The following SORCS3 variants were observed in gnomAD, a reference collection of about 807,000 sequenced individuals.
SORCS3 encodes the protein sortilin related VPS10 domain containing receptor 3.
A neutral mutation model predicts 146.3 loss-of-function variants in SORCS3; 57 were observed. The ratio of observed to expected loss-of-function variants is 0.39; its 90% CI spans 0.31 to 0.49. The LOEUF is 0.49. Ranked by LOEUF, SORCS3 falls within the 20% of genes least tolerant of loss-of-function variation. SORCS3 has a pLI of 0.92. For synonymous variants in SORCS3, 653 were observed against 618.5 expected (o/e 1.06, Z -0.83); for missense variants, 1,341 against 1,575.5 (o/e 0.85, Z 2.52).
intron 1 of SORCS3, among the ~76,000 whole-genome samples, chr10:104,826,672 A>C (rs1265792034): frequency 6.6e-6 from 1 of 152,200 alleles, no homozygotes; most frequent in Non-Finnish European, 1.5e-5. Context: ...CTGACTGATC[A>C]GGTTTGTGGT....
At chr10:104,690,813 C>A (rs976938910) in intron 1 of SORCS3, among the ~76,000 whole-genome samples, 1 of 115,446 alleles carries the variant, frequency 8.7e-6, no homozygotes, top group Non-Finnish European at 2.1e-5. Context: ...ATCGAGGGAC[C>A]AGGCAAGACC....
At chr10:104,658,783 A>G (rs2015664390) in intron 1 of SORCS3, among the ~76,000 whole-genome samples, 1 of 152,202 alleles carries the variant, frequency 6.6e-6, no homozygotes, top group Non-Finnish European at 1.5e-5. Flanking sequence ...GAGTGGGCTC[A>G]TGCTGCAATA....
chr10:104,673,494 C>T (rs2133259144), intron 1 of SORCS3, among the ~76,000 whole-genome samples: 1 of 152,008 alleles, frequency 6.6e-6, no homozygotes, highest in African/African-American at 2.4e-5. Flanking sequence ...GGCAGAGTCT[C>T]ACTCTGTTGC....
intron 16 of SORCS3, among the ~76,000 whole-genome samples, chr10:105,201,845 G>C (rs984569762): frequency 1.3e-5 from 2 of 152,222 alleles, no homozygotes; most frequent in South Asian, 2.1e-4. Flanking sequence ...TCACTATCAG[G>C]GTTATCAAAC....
At chr10:104,661,689 A>G (rs2015703558) in intron 1 of SORCS3, among the ~76,000 whole-genome samples, 1 of 152,148 alleles carries the variant, frequency 6.6e-6, no homozygotes, top group African/African-American at 2.4e-5. Flanking sequence ...AGATAGATAG[A>G]TAGATAGATA....
chr10:105,036,308 C>T (rs2055305681), intron 4 of SORCS3, among the ~76,000 whole-genome samples: 1 of 152,162 alleles, frequency 6.6e-6, no homozygotes. Flanking sequence ...TGGTCTTCTA[C>T]CTCCGTTGGC....
At chr10:105,093,787 G>C (rs1333254165) in intron 6 of SORCS3, among the ~76,000 whole-genome samples, 1 of 152,012 alleles carries the variant, frequency 6.6e-6, no homozygotes, top group African/African-American at 2.4e-5. Context: ...TTGCTGGTGG[G>C]GATGCAAAAT....
chr10:104,715,010 G>A (rs1040844892), intron 1 of SORCS3, among the ~76,000 whole-genome samples: 8 of 152,280 alleles, frequency 5.3e-5, no homozygotes, highest in East Asian at 1.9e-4. Flanking sequence ...ATTTAAGCTC[G>A]TGTTGTATTA....
At chr10:104,894,733 A>G (rs915415580) in intron 2 of SORCS3, among the ~76,000 whole-genome samples, 2 of 152,174 alleles carry the variant, frequency 1.3e-5, no homozygotes, top group African/African-American at 4.8e-5. Flanking sequence ...TGGACCAGGA[A>G]GAGTTGTAGG....
At chr10:104,940,529 T>G (rs1323040620) in intron 3 of SORCS3, among the ~76,000 whole-genome samples, 2 of 151,588 alleles carry the variant, frequency 1.3e-5, no homozygotes, top group African/African-American at 2.4e-5. Flanking sequence ...TTGCTGAGAA[T>G]GATGGTTTCC....
chr10:105,240,191 G>T (rs2056814564), intron 20 of SORCS3, among the ~76,000 whole-genome samples: 1 of 152,180 alleles, frequency 6.6e-6, no homozygotes. Flanking sequence ...TGCTAGGACA[G>T]GAAGAATTCC....
intron 20 of SORCS3, among the ~76,000 whole-genome samples, chr10:105,236,761 A>G (rs2056795009): frequency 6.6e-6 from 1 of 152,176 alleles, no homozygotes; most frequent in East Asian, 1.9e-4. Context: ...ATTCTAGTTT[A>G]TACTTCTGTA....
chr10:105,071,510 C>T (rs985791241), intron 5 of SORCS3, among the ~76,000 whole-genome samples: 1 of 152,112 alleles, frequency 6.6e-6, no homozygotes, highest in Non-Finnish European at 1.5e-5. Flanking sequence ...ACAAAGCTCT[C>T]GTTTGTTAAA....
At chr10:104,680,500 T>G (rs2015958535) in intron 1 of SORCS3, among the ~76,000 whole-genome samples, 1 of 152,222 alleles carries the variant, frequency 6.6e-6, no homozygotes, top group Admixed American at 6.5e-5. Context: ...GACTCTGAAG[T>G]CAGGCTGCAT....
intron 3 of SORCS3, among the ~76,000 whole-genome samples, chr10:104,960,012 G>GAA (rs2054783874): frequency 6.6e-6 from 1 of 152,120 alleles, no homozygotes; most frequent in Non-Finnish European, 1.5e-5. Flanking sequence ...AAGGGTTGTT[G>GAA]CAGCAGCAAG....
chr10:105,010,834 C>T (rs2055131551), intron 4 of SORCS3, among the ~76,000 whole-genome samples: 1 of 151,976 alleles, frequency 6.6e-6, no homozygotes, highest in Non-Finnish European at 1.5e-5. Flanking sequence ...CTCAGGGTTA[C>T]AGCTGCCTTG....
At chr10:104,971,588 G>C (rs190720216) in intron 3 of SORCS3, among the ~76,000 whole-genome samples, 15 of 152,288 alleles carry the variant, frequency 9.8e-5, no homozygotes, top group Non-Finnish European at 1.9e-4. Flanking sequence ...CATCTAAATA[G>C]AAGCATCTTC....
chr10:105,209,606 A>G (rs1020047224), intron 16 of SORCS3, among the ~76,000 whole-genome samples: 2 of 152,220 alleles, frequency 1.3e-5, no homozygotes, highest in African/African-American at 4.8e-5. Flanking sequence ...AGTTACCAAC[A>G]GGTTATGACC....
intron 1 of SORCS3, among the ~76,000 whole-genome samples, chr10:104,645,941 A>G (rs2015490474): frequency 6.6e-6 from 1 of 152,196 alleles, no homozygotes; most frequent in Non-Finnish European, 1.5e-5. Flanking sequence ...CTGTGTCACA[A>G]TATCTTAATG....
Sources: gnomAD v4.1 joint callset for allele counts (sites outside exome capture counted in the v4.1 genomes callset) on GRCh38, gnomAD v4.1.1 for gene constraint, MANE v1.5 for transcripts, NCBI Gene and HGNC (gene_info 2026-07-23, HGNC 2026-07-21) for gene names.